The following IRAK1BP1 variants were observed in gnomAD, a reference collection of about 807,000 sequenced individuals.
IRAK1BP1 encodes interleukin-1 receptor-associated kinase 1-binding protein 1.
In IRAK1BP1, 24 loss-of-function variants were observed where a neutral mutation model predicts 28.0. The ratio of observed to expected loss-of-function variants is 0.86; its 90% CI spans 0.62 to 1.20. The LOEUF (loss-of-function observed/expected upper bound fraction) is 1.20, where lower values mean the gene tolerates loss of function less well. Ranked by LOEUF, IRAK1BP1 falls within the 50% of genes most tolerant of loss-of-function variation. The pLI is 0.00. For synonymous variants in IRAK1BP1, 131 were observed against 116.3 expected, an observed-to-expected ratio of 1.13 and a Z score of -0.81; for missense variants, 336 against 316.7, an observed-to-expected ratio of 1.06 and a Z score of -0.46.
chr6:78,956,312 G>A, the IRAK1BP1 span: 2 of 151,830 alleles, frequency 1.3e-5, no homozygotes, highest in African/African-American at 4.8e-5. Context: ...AGTGGTCAAG[G>A]GCTGTGAACT....
In IRAK1BP1 at chr6:78,885,438, G is replaced by GCA; in HGVS notation, c.377_378dup (p.Glu127GlnfsTer24). 1 of 1,446,840 alleles carries GCA rather than the reference G, an allele frequency of 6.9e-7. No individual in the cohort carries two copies. The highest frequency in any genetic ancestry group is 1.2e-5 in the South Asian group (1 of 84,024). 89.6% of individuals were successfully genotyped at this position (1,446,840 alleles called of 1,614,324 possible). On this transcript the variant is annotated frameshift_variant, in exon 2 of 4. Coordinates refer to ENST00000369940, the MANE Select transcript of IRAK1BP1 (RefSeq NM_001010844.4). LOFTEE classifies it high-confidence loss of function. ...AGTGGAAAATGCTTATCACATGGAA[G>GCA]CAGAGGTATGTACTTAACAAATAAT...
At chr6:78,933,787 C>A (rs1313721813) in intron 4 of IRAK1BP1, among the ~76,000 whole-genome samples, 1 of 149,588 alleles carries the variant, frequency 6.7e-6, no homozygotes, top group African/African-American at 2.5e-5. Flanking sequence ...CTGATTTGAT[C>A]TTCTATCCAG....
chr6:78,978,663 A>G, the IRAK1BP1 span: 1 of 1,596,536 alleles, frequency 6.3e-7, no homozygotes. Context: ...GATGGCAACC[A>G]TTCTTCTAAT....
At position 78,903,085 on chromosome 6, in the gene IRAK1BP1, A is replaced by T; in HGVS notation, c.*4751A>T. On this transcript the variant is annotated 3_prime_UTR_variant, in exon 4 of 4. Coordinates refer to ENST00000369940, the MANE Select transcript of IRAK1BP1 (RefSeq NM_001010844.4). ...TTATCATGAATCCCACATCAAATGA[A>T]CAAATACTGCCTCTGGACTCTGAAT... 1 of 1,505,740 alleles carries T rather than the reference A, an allele frequency of 6.6e-7. No homozygotes were observed. Among genetic ancestry groups the T allele is most frequent in the South Asian group, 1.2e-5 (1 of 83,220 alleles). 93.3% of individuals were successfully genotyped at this position (1,505,740 alleles called of 1,614,324 possible).
chr6:78,965,724 T>C, the IRAK1BP1 span: 1 of 1,570,664 alleles, frequency 6.4e-7, no homozygotes, highest in South Asian at 1.1e-5. Context: ...ATAAGCTCCA[T>C]ATCCCAAGGA....
At chr6:78,893,904 A>G (rs1035368421) in intron 2 of IRAK1BP1, among the ~76,000 whole-genome samples, 5 of 152,012 alleles carry the variant, frequency 3.3e-5, no homozygotes, top group African/African-American at 9.7e-5. Context: ...CTCTGTCTCA[A>G]AAAAAAAGAT....
chr6:78,870,756 G>A (rs1398024092), intron 1 of IRAK1BP1, among the ~76,000 whole-genome samples: 1 of 152,000 alleles, frequency 6.6e-6, no homozygotes, highest in Non-Finnish European at 1.5e-5. Flanking sequence ...TGTCGCCCAG[G>A]CTGGAGTACA....
the IRAK1BP1 span, chr6:78,965,568 TAATA>T: frequency 3.3e-6 from 2 of 600,902 alleles, no homozygotes; most frequent in South Asian, 2.6e-5. Context: ...AGGTGTACAA[TAATA>T]AATATTTGCC....
intron 4 of IRAK1BP1, among the ~76,000 whole-genome samples, chr6:78,941,569 G>A (rs577931366): frequency 1.3e-5 from 2 of 152,244 alleles, no homozygotes; most frequent in East Asian, 3.9e-4. Flanking sequence ...TAGAAAATAA[G>A]TGACTTATCT....
At position 78,901,821 on chromosome 6, in the gene IRAK1BP1, T is replaced by G. The variant is rs1456680423; in HGVS notation, c.*3487T>G. On this transcript the variant is annotated 3_prime_UTR_variant, in exon 4 of 4. Coordinates refer to ENST00000369940, the MANE Select transcript of IRAK1BP1 (RefSeq NM_001010844.4). ...TGAGTTCAGTGTAAACAAATAGGAC[T>G]TAGAAAAATAATTTGTAACTCAAGA... The G allele has an allele frequency of 6.6e-6, 1 of 152,166 alleles. No individual in the cohort carries two copies. Among genetic ancestry groups the G allele is most frequent in the Admixed American group, 6.5e-5 (1 of 15,278 alleles). 9.4% of individuals were successfully genotyped at this position (152,166 alleles called of 1,614,324 possible).
chr6:78,867,811 G>A lies in IRAK1BP1; in HGVS notation c.235G>A (p.Glu79Lys). The A allele has an allele frequency of 6.2e-7, 1 of 1,613,174 alleles. No individual in the cohort carries two copies. The highest frequency in any genetic ancestry group is 8.5e-7 in the Non-Finnish European group (1 of 1,179,600). ...GGTGGTGCGAGTGAGCAGCACCAAGGAGGCGGCAGCCGAGGCCAAAAAGAG... is the reference window on the plus strand; with the variant it reads ...GGTGGTGCGAGTGAGCAGCACCAAGAAGGCGGCAGCCGAGGCCAAAAAGAG... ...QVVVRVSSTK[E>K]AAAEAKKSVC... Residue 79 changes from glutamate to lysine, a missense_variant, in exon 1 of 4, where the codon GAG (glutamate) becomes AAG (lysine). By Grantham distance (56) the Glu-to-Lys change is moderately conservative. Coordinates refer to ENST00000369940, the MANE Select transcript of IRAK1BP1 (RefSeq NM_001010844.4).
intron 1 of IRAK1BP1, among the ~76,000 whole-genome samples, chr6:78,868,253 T>G (rs1302758177): frequency 6.6e-6 from 1 of 152,250 alleles, no homozygotes; most frequent in East Asian, 1.9e-4. Context: ...TGCTGGACAC[T>G]AAATATTTTG....
chr6:78,971,809 C>A, the IRAK1BP1 span, among the ~76,000 whole-genome samples: 1 of 152,168 alleles, frequency 6.6e-6, no homozygotes, highest in African/African-American at 2.4e-5. Context: ...CCGAATACTG[C>A]GCTTTTCCAA....
In IRAK1BP1 at chr6:78,902,920, A is replaced by T; in HGVS notation, c.*4586A>T. On this transcript the variant is annotated 3_prime_UTR_variant, in exon 4 of 4. Coordinates refer to ENST00000369940, the MANE Select transcript of IRAK1BP1 (RefSeq NM_001010844.4). Reference sequence around the variant, plus strand: ...TAATATTAATAGAAATCTTTCAAGAAGGATTGTTTTCTACTATTAAAACAA... The same window carrying T: ...TAATATTAATAGAAATCTTTCAAGATGGATTGTTTTCTACTATTAAAACAA... 1 of 756,802 alleles carries T rather than the reference A, an allele frequency of 1.3e-6. No homozygotes were observed. The highest frequency in any genetic ancestry group is 2.2e-6 in the Non-Finnish European group (1 of 464,536). The allele number at this position is 756,802 out of a possible 1,614,324, so 46.9% of individuals were successfully genotyped here.
intron 4 of IRAK1BP1, among the ~76,000 whole-genome samples, chr6:78,944,545 G>C (rs947998036): frequency 6.6e-6 from 1 of 152,094 alleles, no homozygotes; most frequent in African/African-American, 2.4e-5. Context: ...TATGGAGGGA[G>C]AAACAACAAA....
downstream of IRAK1BP1, chr6:78,946,761 C>T (rs531409891): frequency 3.8e-6 from 6 of 1,591,118 alleles, no homozygotes; most frequent in Non-Finnish European, 5.1e-6. Flanking sequence ...TTTTCTTCCT[C>T]CTTTTGGTTA....
chr6:78,942,870 CT>C (rs1773574762), intron 4 of IRAK1BP1, among the ~76,000 whole-genome samples: 1 of 152,100 alleles, frequency 6.6e-6, no homozygotes, highest in Non-Finnish European at 1.5e-5. Flanking sequence ...GACTCATCAA[CT>C]TTATAAAGCA....
the IRAK1BP1 span, among the ~76,000 whole-genome samples, chr6:78,952,687 A>G: frequency 4.6e-5 from 7 of 152,142 alleles, no homozygotes; most frequent in Non-Finnish European, 7.4e-5. Flanking sequence ...AAAACTGTCC[A>G]GTAAGTTTAA....
At chr6:78,884,966 C>T (rs199637451) in intron 1 of IRAK1BP1, among the ~76,000 whole-genome samples, 2 of 151,828 alleles carry the variant, frequency 1.3e-5, no homozygotes, top group African/African-American at 4.8e-5. Context: ...TGTCATCACC[C>T]AATGTGCAGG....
Sources: gnomAD v4.1 joint callset for allele counts (sites outside exome capture counted in the v4.1 genomes callset) on GRCh38, gnomAD v4.1.1 for gene constraint, MANE v1.5 for transcripts, NCBI Gene and HGNC (gene_info 2026-07-23, HGNC 2026-07-21) for gene names.